LY75: variants seen among roughly 807,000 people sequenced by gnomAD.
The protein encoded by LY75 is lymphocyte antigen 75.
A neutral mutation model predicts 231.7 loss-of-function variants in LY75; 185 were observed. The observed-to-expected ratio is 0.80, with a 90% CI of 0.71 to 0.90. The LOEUF (loss-of-function observed/expected upper bound fraction) is 0.90. LY75 is among the 40% of genes least tolerant of loss of function. The probability of loss-of-function intolerance (pLI) is 0.00; values close to 1 mark genes in which losing one functional copy is unlikely to be tolerated. For missense variants in LY75, 1,947 were observed against 2,050.2 expected (o/e 0.95, Z 0.97); for synonymous variants, 668 against 689.0 (o/e 0.97, Z 0.48).
chr2:159,883,102 C>T (rs1331454824), intron 6 of LY75, among the ~76,000 whole-genome samples: 1 of 133,158 alleles, frequency 7.5e-6, no homozygotes, highest in Admixed American at 9.2e-5. Context: ...TGTAAGAAAA[C>T]ACAGCATCTC....
intron 30 of LY75, among the ~76,000 whole-genome samples, chr2:159,815,825 T>A (rs1331915886): frequency 6.6e-6 from 1 of 152,202 alleles, no homozygotes; most frequent in Non-Finnish European, 1.5e-5. Context: ...GTCTTCAGAT[T>A]TTTTTGAAGG....
Position 159,816,847 on chromosome 2 carries a change from G to A in LY75, c.4339C>T (p.Arg1447Cys), listed in dbSNP as rs201441966. 811 of 1,614,132 alleles carry A rather than the reference G, an allele frequency of 5.0e-4. 1 individual carries two copies. The highest frequency in any genetic ancestry group is 5.9e-4 in the Non-Finnish European group (694 of 1,180,018). ...GQLFLEDIVK[R>C]DGFPLWVGLS... Reference sequence around the variant, plus strand: ...CCAACCCATAGTGGAAATCCATCACGTTTTACAATATCTTCCAGAAAGAGC... The same window carrying A: ...CCAACCCATAGTGGAAATCCATCACATTTTACAATATCTTCCAGAAAGAGC... The change falls in exon 30 of 35, where the codon CGT becomes TGT. Residue 1447 changes from arginine (R) to cysteine (C), a missense_variant. Transcript: ENST00000263636.
At chr2:159,900,520 C>G (rs1272890956) in intron 1 of LY75, among the ~76,000 whole-genome samples, 4 of 152,198 alleles carry the variant, frequency 2.6e-5, no homozygotes, top group Non-Finnish European at 5.9e-5. Context: ...TTGATACCAG[C>G]TTCACAGTCA....
rs185656490 is a variant in LY75 at position 159,805,752 on chromosome 2, C to T, written c.4991-530G>A. ...TGTTCCATGACTTTAAATACCATTG[C>T]TATGCACACTACACATCTCGTCCCT... On this transcript the variant is annotated intron_variant, in intron 34 of 34. Coordinates refer to ENST00000263636, the MANE Select transcript of LY75 (RefSeq NM_002349.4). Among the ~76,000 whole-genome samples the T allele has an allele frequency of 8.5e-5, 13 of 152,312 alleles. 1 individual carries two copies. Among genetic ancestry groups the T allele is most frequent in the Admixed American group, 7.2e-4 (11 of 15,302 alleles).
chr2:159,867,848 A>G (rs1684902313), intron 13 of LY75, among the ~76,000 whole-genome samples: 1 of 152,304 alleles, frequency 6.6e-6, no homozygotes, highest in Middle Eastern at 3.4e-3. Context: ...AAGAGTTGCA[A>G]AGATCTCAGA....
intron 13 of LY75, among the ~76,000 whole-genome samples, chr2:159,869,001 GAC>G (rs1024475205): frequency 6.4e-4 from 98 of 152,252 alleles, no homozygotes; most frequent in Non-Finnish European, 1.4e-3. Context: ...CCTTTGTAGG[GAC>G]ACGGATGAAG....
At chr2:159,819,139 G>C (rs67073100) in intron 29 of LY75, among the ~76,000 whole-genome samples, 1 of 151,904 alleles carries the variant, frequency 6.6e-6, no homozygotes. Flanking sequence ...CCACCTTTAC[G>C]GGCTCCCAGT....
chr2:159,882,562 A>C (rs1685468775), intron 6 of LY75, among the ~76,000 whole-genome samples: 1 of 152,188 alleles, frequency 6.6e-6, no homozygotes, highest in Admixed American at 6.5e-5. Context: ...TATATGGCTG[A>C]GCACAGACTA....
intron 29 of LY75, among the ~76,000 whole-genome samples, chr2:159,818,188 A>C (rs78033467): frequency 0.041 from 6,256 of 152,304 alleles, 154 homozygotes; most frequent in East Asian, 0.096. Context: ...TTTCTACCCT[A>C]TTAAGTGTGG....
chr2:159,814,080 C>G (rs1188570934), intron 31 of LY75: 1 of 152,144 alleles, frequency 6.6e-6, no homozygotes, highest in East Asian at 1.9e-4. Context: ...ATCTGCCGTT[C>G]AAGATTCTTC....
intron 21 of LY75, among the ~76,000 whole-genome samples, chr2:159,850,799 T>A (rs111610083): frequency 3.8e-5 from 4 of 105,382 alleles, no homozygotes; most frequent in Non-Finnish European, 7.8e-5. Context: ...TATATATATA[T>A]TATATCTTAT....
intron 2 of LY75, among the ~76,000 whole-genome samples, chr2:159,896,365 C>T (rs1241772027): frequency 6.6e-6 from 1 of 152,092 alleles, no homozygotes; most frequent in Non-Finnish European, 1.5e-5. Context: ...GAGAGGCAAC[C>T]CAAGGCACAG....
At chr2:159,862,516 A>AT (rs1005998745) in intron 14 of LY75, among the ~76,000 whole-genome samples, 1 of 152,062 alleles carries the variant, frequency 6.6e-6, no homozygotes, top group African/African-American at 2.4e-5. Flanking sequence ...TAGCTTTACA[A>AT]TTTTTTGACT....
rs1423812167 is a variant in LY75, at chr2:159,850,422, T to G, written c.2929A>C (p.Ser977Arg). 1 of 1,613,634 alleles carries G rather than the reference T, an allele frequency of 6.2e-7. No homozygotes were observed. Among genetic ancestry groups the G allele is most frequent in the South Asian group, 1.1e-5 (1 of 91,072 alleles). ...KPVSLTFSQASDTCHSYGGTL... is the reference protein window; with the variant it reads ...KPVSLTFSQARDTCHSYGGTL... Reference sequence around the variant, plus strand: ...CCACCATAGGAGTGACAGGTATCGCTTGCTTGAGAAAATGTGAGAGACACG... The same window carrying G: ...CCACCATAGGAGTGACAGGTATCGCGTGCTTGAGAAAATGTGAGAGACACG... Residue 977 changes from serine (S) to arginine (R), a missense_variant, in exon 22 of 35, where the codon AGC becomes CGC. Physicochemically the swap from Ser to Arg is moderately radical, Grantham distance 110 (BLOSUM62 -1). Transcript: ENST00000263636.
chr2:159,899,673 G>A (rs758460127), intron 1 of LY75, among the ~76,000 whole-genome samples: 2 of 152,194 alleles, frequency 1.3e-5, no homozygotes, highest in African/African-American at 4.8e-5. Flanking sequence ...AGTTAGTGGG[G>A]CCACTAAAAA....
chr2:159,805,673 G>A (rs1682770180), intron 34 of LY75, among the ~76,000 whole-genome samples: 1 of 152,202 alleles, frequency 6.6e-6, no homozygotes, highest in Non-Finnish European at 1.5e-5. Context: ...AGTTCATTTA[G>A]TGCAGCTGCT....
intron 4 of LY75, among the ~76,000 whole-genome samples, chr2:159,888,909 C>A (rs1685670768): frequency 6.6e-6 from 1 of 152,118 alleles, no homozygotes; most frequent in African/African-American, 2.4e-5. Context: ...ACAATAACGT[C>A]CACCTCATAA....
At chr2:159,836,627 G>A (rs915901699) in intron 25 of LY75, among the ~76,000 whole-genome samples, 42 of 152,138 alleles carry the variant, frequency 2.8e-4, no homozygotes, top group African/African-American at 9.2e-4. Flanking sequence ...AATATGGAAC[G>A]AAGCGACACA....
chr2:159,816,829 A>G lies in LY75; in HGVS notation c.4357T>C (p.Trp1453Arg). 5 of 1,614,176 alleles carry G rather than the reference A, an allele frequency of 3.1e-6. No individual in the cohort carries two copies. The highest frequency in any genetic ancestry group is 4.2e-6 in the Non-Finnish European group (5 of 1,180,010). ...ACATCATGACTTGAGAGCCCAACCCATAGTGGAAATCCATCACGTTTTACA... is the reference window on the plus strand; with the variant it reads ...ACATCATGACTTGAGAGCCCAACCCGTAGTGGAAATCCATCACGTTTTACA... Reference protein sequence around the residue: ...DIVKRDGFPLWVGLSSHDGSE... With the variant: ...DIVKRDGFPLRVGLSSHDGSE... Residue 1453 changes from tryptophan to arginine, a missense_variant, in exon 30 of 35, where the codon TGG (tryptophan) becomes CGG (arginine). Coordinates refer to ENST00000263636, the MANE Select transcript of LY75 (RefSeq NM_002349.4).
Sources: allele counts gnomAD v4.1 joint callset (sites outside exome capture counted in the v4.1 genomes callset), GRCh38; gene constraint gnomAD v4.1.1; transcripts MANE v1.5; gene names NCBI Gene and HGNC (gene_info 2026-07-23, HGNC 2026-07-21).